SAFB: variants seen among roughly 807,000 people sequenced by gnomAD.
The protein encoded by SAFB is scaffold attachment factor B1.
In SAFB, 15 loss-of-function variants were observed where a neutral mutation model predicts 101.6. That is an observed-to-expected ratio of 0.15 (90% CI 0.10 to 0.23). SAFB has a LOEUF of 0.23. Ranked by LOEUF, SAFB falls within the 10% of genes least tolerant of loss-of-function variation. The probability of loss-of-function intolerance (pLI) is 1.00; values close to 1 mark genes in which losing one functional copy is unlikely to be tolerated. For synonymous variants in SAFB, 449 were observed against 407.5 expected (o/e 1.10, Z -1.23); for missense variants, 930 against 1,104.1 (o/e 0.84, Z 2.23).
At position 5,668,374 on chromosome 19, in the gene SAFB, T is replaced by C. The variant is rs1322709206; in HGVS notation, c.*83T>C. 1.1e-5 allele frequency: 16 copies of C among 1,464,148 alleles called. No individual in the cohort carries two copies. Among genetic ancestry groups the C allele is most frequent in the Middle Eastern group, 2.4e-4 (1 of 4,120 alleles). 90.7% of individuals were successfully genotyped at this position (1,464,148 alleles called of 1,614,324 possible). ...ACCTTAAACTGTGTAAAAATATTTT[T>C]TTTTAATCTGCTGCCATATTGTAGC... is the stretch of plus-strand genomic sequence containing the variant. On this transcript the variant is annotated 3_prime_UTR_variant, in exon 21 of 21. Transcript: ENST00000588852.
At chr19:5,645,423 C>G in intron 5 of SAFB, 24 bp downstream of exon 5, 1 of 1,143,638 alleles carries the variant, frequency 8.7e-7, no homozygotes, top group Non-Finnish European at 1.3e-6. Context: ...TGTCTCAGTA[C>G]TTTTAGAATG....
intron 17 of SAFB, 71 bp from the exon 18 acceptor site, chr19:5,666,973 TTG>T: frequency 1.1e-6 from 1 of 904,218 alleles, no homozygotes; most frequent in Non-Finnish European, 1.9e-6. Context: ...CGTTAGCATG[TTG>T]CCTGAAAAGC....
At position 5,661,796 on chromosome 19, in the gene SAFB, A is replaced by T. The variant is rs374424108; in HGVS notation, c.2141A>T (p.Tyr714Phe). 5.2e-6 allele frequency: 8 copies of T among 1,547,960 alleles called. No individual in the cohort carries two copies. The highest frequency in any genetic ancestry group is 7.0e-6 in the Non-Finnish European group (8 of 1,148,118). Residue 714 changes from tyrosine (Y) to phenylalanine (F), a missense_variant, in exon 15 of 21, where the codon TAC becomes TTC. Transcript: ENST00000588852. ...QERRPAVRRPYDLDRRDDAYW... is the reference protein window; with the variant it reads ...QERRPAVRRPFDLDRRDDAYW... ...CGGCGGCCCGCGGTGCGGCGGCCCT[A>T]CGACCTGGACCGGTAAGCAGATCCA...
Position 5,668,462 on chromosome 19 carries a change from C to T in SAFB, c.*171C>T, listed in dbSNP as rs529785118. ...TTTTTTTTTGTAATAAATGTGTTTC[C>T]GTTCACATACCCTTTATTTAAAGTG... On this transcript the variant is annotated 3_prime_UTR_variant, in exon 21 of 21. Transcript: ENST00000588852. 4 of 617,160 alleles carry T rather than the reference C, an allele frequency of 6.5e-6. No individual in the cohort carries two copies. The highest frequency in any genetic ancestry group is 3.3e-5 in the East Asian group (1 of 29,852). The allele number at this position is 617,160 out of a possible 1,614,324, so 38.2% of individuals were successfully genotyped here.
chr19:5,637,110 C>T (rs1003967197), intron 2 of SAFB, among the ~76,000 whole-genome samples: 3 of 142,958 alleles, frequency 2.1e-5, no homozygotes, highest in African/African-American at 4.9e-5. Flanking sequence ...TTCGGGAGGC[C>T]GAGGCGGGTG....
chr19:5,660,900 A>G (rs1003283143), intron 14 of SAFB, among the ~76,000 whole-genome samples: 5 of 146,144 alleles, frequency 3.4e-5, no homozygotes, highest in South Asian at 2.2e-4. Context: ...GAAGGTTCCA[A>G]TTCACACTCA....
chr19:5,627,632 T>C (rs2053395840), intron 2 of SAFB, among the ~76,000 whole-genome samples: 1 of 152,108 alleles, frequency 6.6e-6, no homozygotes, highest in South Asian at 2.1e-4. Flanking sequence ...CTCTTGCCCA[T>C]CCCCCACACC....
chr19:5,656,615 C>T (rs2054068166), intron 13 of SAFB, among the ~76,000 whole-genome samples: 1 of 141,678 alleles, frequency 7.1e-6, no homozygotes, highest in Non-Finnish European at 1.5e-5. Context: ...ATCGCTCTGT[C>T]GCCCACACTG....
At chr19:5,663,001 T>TA (rs202116605) in intron 15 of SAFB, among the ~76,000 whole-genome samples, 22 of 150,994 alleles carry the variant, frequency 1.5e-4, no homozygotes, top group African/African-American at 4.6e-4. Flanking sequence ...AATAAAGAAT[T>TA]AAAAAAAAAT....
Position 5,667,727 on chromosome 19 carries a change from G to A in SAFB, c.2558-93G>A, listed in dbSNP as rs2054365836. On this transcript the variant is annotated intron_variant, in intron 19 of 20. Coordinates refer to ENST00000588852, the MANE Select transcript of SAFB (RefSeq NM_001201338.2). This position sits in a 1 kb window ranked among gnomAD's most constrained non-coding sequence, Gnocchi z 4.0. ...GACCCGCTAGTTGTGGGTACCTGGG[G>A]GCCTCACCAAAGGGAGTGGAGTGGG... The A allele has an allele frequency of 1.6e-6, 2 of 1,232,546 alleles. No individual in the cohort carries two copies. Among genetic ancestry groups the A allele is most frequent in the Admixed American group, 3.7e-5 (2 of 54,116 alleles). The allele number at this position is 1,232,546 out of a possible 1,614,324, so 76.4% of individuals were successfully genotyped here. A position where few individuals can be genotyped will look rare whatever the true frequency, so the allele number is the denominator to read the frequency against.
At chr19:5,652,030 T>C (rs929470741) in intron 9 of SAFB, among the ~76,000 whole-genome samples, 1 of 152,020 alleles carries the variant, frequency 6.6e-6, no homozygotes, top group African/African-American at 2.4e-5. Flanking sequence ...CTGTCTCTGC[T>C]AAAAGTACAG....
chr19:5,652,979 C>A, intron 9 of SAFB, 136 bp from the exon 10 acceptor site: 2 of 807,534 alleles, frequency 2.5e-6, no homozygotes, highest in Non-Finnish European at 3.9e-6. Flanking sequence ...GAAACAGAAG[C>A]ATTAGTAGCA....
chr19:5,655,978 CT>C (rs1468707276), intron 13 of SAFB, among the ~76,000 whole-genome samples: 1 of 152,084 alleles, frequency 6.6e-6, no homozygotes, highest in African/African-American at 2.4e-5. Context: ...GTGTTTTGAT[CT>C]TATATGAAGT....
In SAFB at chr19:5,664,156, A is replaced by G; in HGVS notation, c.2288A>G (p.Asp763Gly). ...GGCCGCTACCCCGACCACTCGGTGG[A>G]CAGGTCAGTTGGGCCCCTGCTGGGC... ...DRGRYPDHSV[D>G]RREGSRSMMG... Residue 763 changes from aspartate (D) to glycine (G), a missense_variant, in exon 16 of 21, where the codon GAC becomes GGC. By Grantham distance (94) the Asp-to-Gly change is moderately conservative. Around this residue, in one of 7 missense-constraint regions of SAFB, gnomAD observed 318 missense variants for 342.6 expected, o/e 0.93. Transcript: ENST00000588852. 6.2e-7 allele frequency: 1 copy of G among 1,613,722 alleles called. No homozygotes were observed. Among genetic ancestry groups the G allele is most frequent in the Non-Finnish European group, 8.5e-7 (1 of 1,179,938 alleles).
chr19:5,625,574 G>A (rs1057470240), intron 1 of SAFB, among the ~76,000 whole-genome samples: 1 of 152,168 alleles, frequency 6.6e-6, no homozygotes, highest in African/African-American at 2.4e-5. Flanking sequence ...GGAGAGTAAA[G>A]ACTGGAAAAG....
intron 11 of SAFB, 75 bp downstream of exon 11, chr19:5,653,495 C>A: frequency 1.5e-6 from 2 of 1,291,612 alleles, no homozygotes; most frequent in South Asian, 1.3e-5. Context: ...GAGATGGAGT[C>A]GCGCTCTGTC....
chr19:5,640,113 C>T (rs1206777455), intron 2 of SAFB, among the ~76,000 whole-genome samples: 2 of 151,786 alleles, frequency 1.3e-5, no homozygotes, highest in Non-Finnish European at 2.9e-5. Context: ...CTCGGCCTCC[C>T]AAGTGCTGGG....
Position 5,667,344 on chromosome 19 carries a change from A to T in SAFB, c.2454-3A>T. ...TCCAAATCAGAGATGTCTCTCTTTC[A>T]AGGGGCAGACGTGACTGGGGGGACC... is the stretch of plus-strand genomic sequence containing the variant. On this transcript the variant is annotated splice_region_variant and splice_polypyrimidine_tract_variant and intron_variant, in intron 18 of 20. Coordinates refer to ENST00000588852, the MANE Select transcript of SAFB (RefSeq NM_001201338.2). The surrounding 1 kb of genome is among the most constrained non-coding windows in gnomAD (Gnocchi z 4.0). 1 of 1,489,128 alleles carries T rather than the reference A, an allele frequency of 6.7e-7. No homozygotes were observed. Among genetic ancestry groups the T allele is most frequent in the Non-Finnish European group, 8.9e-7 (1 of 1,120,660 alleles). 92.2% of individuals were successfully genotyped at this position (1,489,128 alleles called of 1,614,324 possible). A position where few individuals can be genotyped will look rare whatever the true frequency, so the allele number is the denominator to read the frequency against.
intron 15 of SAFB, among the ~76,000 whole-genome samples, chr19:5,662,117 C>A (rs899456453): frequency 6.6e-6 from 1 of 152,156 alleles, no homozygotes; most frequent in Non-Finnish European, 1.5e-5. Context: ...TATCTCCTGA[C>A]CTCGTGATCC....
Sources: gnomAD v4.1 joint callset for allele counts (sites outside exome capture counted in the v4.1 genomes callset) on GRCh38, gnomAD v4.1.1 for gene constraint, gnomAD v4.1.1 regional missense constraint, Gnocchi (gnomAD v3.1) non-coding constraint, MANE v1.5 for transcripts, NCBI Gene and HGNC (gene_info 2026-07-23, HGNC 2026-07-21) for gene names.